CBLB: variants seen among roughly 807,000 people sequenced by gnomAD.
CBLB encodes Cbl proto-oncogene B, also known as E3 ubiquitin-protein ligase CBL-B.
A neutral mutation model predicts 104.9 loss-of-function variants in CBLB; 31 were observed. That is an observed-to-expected ratio of 0.30 (90% CI 0.22 to 0.40). The LOEUF is 0.40. Ranked by LOEUF, CBLB falls within the 10% of genes least tolerant of loss-of-function variation. CBLB has a pLI of 1.00. For synonymous variants in CBLB, 440 were observed against 422.6 expected, an observed-to-expected ratio of 1.04 and a Z score of -0.51; for missense variants, 1,062 against 1,214.6, an observed-to-expected ratio of 0.87 and a Z score of 1.87.
At chr3:105,675,302 A>G (rs1360522589) in intron 17 of CBLB, among the ~76,000 whole-genome samples, 1 of 152,118 alleles carries the variant, frequency 6.6e-6, no homozygotes, top group Non-Finnish European at 1.5e-5. Context: ...CCTTTTATTT[A>G]CCTTTTATAA....
At chr3:105,673,227 A>T (rs2065258917) in intron 17 of CBLB, 1 of 151,838 alleles carries the variant, frequency 6.6e-6, no homozygotes. Context: ...AGCCACCAAC[A>T]CCCGGCTAAT....
At chr3:105,687,352 T>C (rs1402801856) in intron 13 of CBLB, among the ~76,000 whole-genome samples, 1 of 152,120 alleles carries the variant, frequency 6.6e-6, no homozygotes, top group Non-Finnish European at 1.5e-5. Context: ...TTAAATCACA[T>C]ACGTTGTGGC....
At chr3:105,715,085 A>T (rs891544832) in intron 10 of CBLB, among the ~76,000 whole-genome samples, 1 of 152,224 alleles carries the variant, frequency 6.6e-6, no homozygotes, top group Non-Finnish European at 1.5e-5. Context: ...TACTGTGAAA[A>T]ACTGTTAAGA....
intron 5 of CBLB, among the ~76,000 whole-genome samples, chr3:105,746,728 A>G (rs563931120): frequency 1.3e-5 from 2 of 152,320 alleles, no homozygotes; most frequent in East Asian, 1.9e-4. Flanking sequence ...GCTTCATTTT[A>G]CACAGTAAGA....
chr3:105,772,774 A>T (rs1308425053), intron 4 of CBLB, among the ~76,000 whole-genome samples: 1 of 152,260 alleles, frequency 6.6e-6, no homozygotes, highest in Non-Finnish European at 1.5e-5. Context: ...AATGCTCAAC[A>T]TCACTAATCA....
At chr3:105,712,493 T>C (rs2071259092) in intron 10 of CBLB, among the ~76,000 whole-genome samples, 1 of 152,134 alleles carries the variant, frequency 6.6e-6, no homozygotes, top group Non-Finnish European at 1.5e-5. Flanking sequence ...TTTTGGTCAC[T>C]GAAAAAATGC....
chr3:105,854,057 T>A (rs554205724), intron 2 of CBLB, among the ~76,000 whole-genome samples: 1 of 152,200 alleles, frequency 6.6e-6, no homozygotes, highest in Non-Finnish European at 1.5e-5. Context: ...TTTACTACAC[T>A]GAATTCCCAG....
At chr3:105,739,940 T>G (rs2075355030) in intron 7 of CBLB, among the ~76,000 whole-genome samples, 1 of 151,824 alleles carries the variant, frequency 6.6e-6, no homozygotes, top group African/African-American at 2.4e-5. Flanking sequence ...CCGTCTCTAC[T>G]AAAATACAAA....
intron 14 of CBLB, 118 bp from the exon 15 acceptor site, chr3:105,681,936 TC>T (rs1328286525): frequency 6.6e-5 from 45 of 681,772 alleles, no homozygotes; most frequent in Non-Finnish European, 1.0e-4. Flanking sequence ...CATATATTTT[TC>T]TTTTCTCAAA....
chr3:105,742,960 C>A (rs145257238), intron 6 of CBLB, among the ~76,000 whole-genome samples: 2 of 152,238 alleles, frequency 1.3e-5, no homozygotes, highest in South Asian at 4.1e-4. Flanking sequence ...AAGGTTCAAG[C>A]AATTCATGTA....
chr3:105,670,542 G>T, intron 17 of CBLB, 190 bp from the exon 18 acceptor site: 1 of 568,542 alleles, frequency 1.8e-6, no homozygotes, highest in Non-Finnish European at 3.1e-6. Context: ...GCTTAAATAT[G>T]CTCTTCACAT....
At chr3:105,763,204 T>C (rs765990761) in intron 4 of CBLB, among the ~76,000 whole-genome samples, 2 of 152,146 alleles carry the variant, frequency 1.3e-5, no homozygotes, top group East Asian at 1.9e-4. Context: ...GGCTCATAAG[T>C]GCAAGAGACT....
At chr3:105,703,498 T>C (rs2069576234) in intron 11 of CBLB, among the ~76,000 whole-genome samples, 1 of 152,206 alleles carries the variant, frequency 6.6e-6, no homozygotes. Flanking sequence ...TCTGCAAATA[T>C]TGCAATTCAT....
chr3:105,720,674 T>C (rs1301707399), intron 9 of CBLB, among the ~76,000 whole-genome samples: 7 of 152,200 alleles, frequency 4.6e-5, no homozygotes, highest in African/African-American at 1.4e-4. Flanking sequence ...AAAGCAGTAG[T>C]ATCGGTGAGA....
intron 3 of CBLB, among the ~76,000 whole-genome samples, chr3:105,823,127 G>A (rs181993204): frequency 6.6e-6 from 1 of 152,136 alleles, no homozygotes; most frequent in Non-Finnish European, 1.5e-5. Flanking sequence ...CTTTATCTTA[G>A]GCTCCTATAA....
At chr3:105,858,833 T>C (rs992222515) in intron 2 of CBLB, among the ~76,000 whole-genome samples, 9 of 152,192 alleles carry the variant, frequency 5.9e-5, no homozygotes, top group African/African-American at 1.7e-4. Flanking sequence ...CATACCAATA[T>C]ACAACTGAGT....
intron 3 of CBLB, among the ~76,000 whole-genome samples, chr3:105,830,642 A>G (rs2087358155): frequency 6.6e-6 from 1 of 152,256 alleles, no homozygotes; most frequent in East Asian, 1.9e-4. Context: ...TAAAGTTTAA[A>G]AACAGTAAAA....
rs115231678 is a variant in CBLB at position 105,811,583 on chromosome 3, C to T, written c.420-35041G>A. Reference sequence around the variant, plus strand: ...CCTACTATTGATATTGTGCTACAGACGTTAACACTGAGGCAAACTGGGTAA... The same window carrying T: ...CCTACTATTGATATTGTGCTACAGATGTTAACACTGAGGCAAACTGGGTAA... On this transcript the variant is annotated intron_variant, in intron 3 of 18. Transcript: ENST00000394030. Among the ~76,000 whole-genome samples, 1,086 of 152,210 alleles carry T rather than the reference C, an allele frequency of 7.1e-3. 3 individuals carry two copies. The highest frequency in any genetic ancestry group is 0.011 in the Non-Finnish European group (724 of 68,018).
chr3:105,721,345 T>C (rs926301288), intron 9 of CBLB, among the ~76,000 whole-genome samples: 1 of 152,152 alleles, frequency 6.6e-6, no homozygotes, highest in African/African-American at 2.4e-5. Flanking sequence ...GATGTTTGGA[T>C]CAAGGATGGA....
Sources: allele counts gnomAD v4.1 joint callset (sites outside exome capture counted in the v4.1 genomes callset), GRCh38; gene constraint gnomAD v4.1.1; transcripts MANE v1.5; gene names NCBI Gene and HGNC (gene_info 2026-07-23, HGNC 2026-07-21).